FMN1: variants seen among roughly 807,000 people sequenced by gnomAD.
FMN1 encodes formin 1.
A neutral mutation model predicts 132.4 loss-of-function variants in FMN1; 110 were observed. The observed-to-expected ratio is 0.83, with a 90% confidence interval of 0.71 to 0.97. The LOEUF (loss-of-function observed/expected upper bound fraction) is 0.97. Among genes scored for constraint, FMN1 ranks in the 50% least tolerant of loss-of-function variants. The pLI is 0.00. For missense variants in FMN1, 1,792 were observed against 1,705.3 expected (o/e 1.05, Z -0.90); for synonymous variants, 722 against 651.7 (o/e 1.11, Z -1.64).
intron 4 of FMN1, among the ~76,000 whole-genome samples, chr15:33,103,955 T>C (rs774470950): frequency 1.3e-5 from 2 of 152,022 alleles, no homozygotes; most frequent in Non-Finnish European, 2.9e-5. Context: ...ACAGCTCCAA[T>C]TTAAAATGCA....
At chr15:33,046,738 C>G (rs1201601809) in intron 6 of FMN1, among the ~76,000 whole-genome samples, 1 of 142,720 alleles carries the variant, frequency 7.0e-6, no homozygotes, top group Non-Finnish European at 1.6e-5. Context: ...TCTTACAAGT[C>G]AGACTTCTGG....
At chr15:32,785,298 C>A (rs1182866768) in intron 19 of FMN1, among the ~76,000 whole-genome samples, 1 of 144,116 alleles carries the variant, frequency 6.9e-6, no homozygotes, top group Non-Finnish European at 1.5e-5. Context: ...CTCAAGCAAT[C>A]CACCTGCCTC....
chr15:32,986,452 TC>T (rs2033075463), intron 7 of FMN1, among the ~76,000 whole-genome samples: 2 of 152,140 alleles, frequency 1.3e-5, no homozygotes, highest in Non-Finnish European at 2.9e-5. Flanking sequence ...TTATTTGAAT[TC>T]ACAAAGATCT....
chr15:33,000,210 G>A (rs2034013178), intron 7 of FMN1, among the ~76,000 whole-genome samples: 1 of 152,316 alleles, frequency 6.6e-6, no homozygotes, highest in African/African-American at 2.4e-5. Flanking sequence ...AGCACTTTGG[G>A]AGGCAGAGGT....
intron 19 of FMN1, among the ~76,000 whole-genome samples, chr15:32,791,367 C>CTTTTTTT (rs34331378): frequency 6.8e-6 from 1 of 147,866 alleles, no homozygotes; most frequent in African/African-American, 2.5e-5. Flanking sequence ...AGCAATAAAC[C>CTTTTTTT]TTTTTTTTTT....
chr15:33,185,871 C>G (rs17235812), intron 2 of FMN1, among the ~76,000 whole-genome samples: 7,372 of 152,156 alleles, frequency 0.048, 279 homozygotes, highest in Admixed American at 0.11. Context: ...TGTGCCTAGT[C>G]AGGAAGAAGT....
intron 17 of FMN1, among the ~76,000 whole-genome samples, chr15:32,847,620 C>T (rs1428376843): frequency 2.0e-5 from 3 of 151,964 alleles, no homozygotes; most frequent in African/African-American, 7.3e-5. Flanking sequence ...TCTAGGAGGC[C>T]GAGGTGGGCG....
rs77498561 is a variant in FMN1 at position 32,964,275 on chromosome 15, C to T, written c.2988-18G>A. ...CATTTTGGCTTAAAAGAGAAAATGA[C>T]AAGTTAACCATAAGAACCAAAACAG... is the stretch of plus-strand genomic sequence containing the variant. On this transcript the variant is annotated intron_variant, in intron 8 of 20. Transcript: ENST00000616417. 234 of 1,539,192 alleles carry T rather than the reference C, an allele frequency of 1.5e-4. No homozygotes were observed. The highest frequency in any genetic ancestry group is 1.9e-4 in the Non-Finnish European group (221 of 1,137,198).
chr15:33,001,297 A>G lies in FMN1; in HGVS notation c.2223+6717T>C, dbSNP rs980508695. 3.3e-5 allele frequency among the ~76,000 whole-genome samples: 5 copies of G among 152,184 alleles called. No individual in the cohort carries two copies. The South Asian group carries it at 6.2e-4, about 19-fold the overall frequency. ...AGACTCCGTCTCAAAAAGAAAAAAA[A>G]AAGTGTAGCAATTTACATTTACCTT... On this transcript the variant is annotated intron_variant, in intron 7 of 20. Coordinates refer to ENST00000616417, the MANE Select transcript of FMN1 (RefSeq NM_001277313.2).
At chr15:33,088,665 C>A (rs144900607) in intron 5 of FMN1, 134 bp downstream of exon 5, 19,434 of 770,402 alleles carry the variant, frequency 0.025, 411 homozygotes, top group South Asian at 0.087. Context: ...TTTTCTGCAG[C>A]CCACTGATTT....
intron 9 of FMN1, among the ~76,000 whole-genome samples, chr15:32,954,173 C>CA (rs1555503963): frequency 6.6e-6 from 1 of 152,180 alleles, no homozygotes; most frequent in Non-Finnish European, 1.5e-5. Flanking sequence ...TCAATACCCC[C>CA]ACTACATAAA....
intron 4 of FMN1, among the ~76,000 whole-genome samples, chr15:33,129,787 ATTTTTTT>A (rs61564380): frequency 2.5e-5 from 3 of 121,754 alleles, no homozygotes; most frequent in Admixed American, 8.7e-5. Flanking sequence ...TTGACTAGCA[ATTTTTTT>A]TTTTTTTTTT....
At chr15:32,825,231 C>G (rs1038886428) in intron 17 of FMN1, among the ~76,000 whole-genome samples, 2 of 152,214 alleles carry the variant, frequency 1.3e-5, no homozygotes, top group African/African-American at 2.4e-5. Context: ...CCAGAATAAT[C>G]TTTTAAAACA....
At chr15:32,870,579 T>C (rs911956179) in intron 16 of FMN1, among the ~76,000 whole-genome samples, 2 of 152,226 alleles carry the variant, frequency 1.3e-5, no homozygotes, top group African/African-American at 2.4e-5. Flanking sequence ...CGGAATTGTC[T>C]AAAGCACCAT....
chr15:33,030,579 A>C (rs1171987788), intron 6 of FMN1, among the ~76,000 whole-genome samples: 3 of 152,218 alleles, frequency 2.0e-5, no homozygotes, highest in East Asian at 3.9e-4. Context: ...ATAACACTAA[A>C]ATAGAATTTT....
chr15:33,067,740 TCA>T (rs747140074), intron 5 of FMN1: 5 of 1,614,024 alleles, frequency 3.1e-6, no homozygotes, highest in Non-Finnish European at 2.5e-6. Context: ...TCTTCTGGAT[TCA>T]CAGATTCTAA....
chr15:33,012,789 T>C (rs932279575), intron 6 of FMN1: 15 of 697,702 alleles, frequency 2.1e-5, no homozygotes, highest in African/African-American at 1.6e-4. Flanking sequence ...TCAGTGGTCA[T>C]GGTGGCTTTA....
chr15:32,909,957 T>C (rs972517767), intron 11 of FMN1, among the ~76,000 whole-genome samples: 1 of 152,064 alleles, frequency 6.6e-6, no homozygotes, highest in Non-Finnish European at 1.5e-5. Flanking sequence ...TTTAAGTAAC[T>C]AGCCCAAGGT....
At chr15:33,023,180 A>G (rs1453560747) in intron 6 of FMN1, among the ~76,000 whole-genome samples, 1 of 151,754 alleles carries the variant, frequency 6.6e-6, no homozygotes, top group Non-Finnish European at 1.5e-5. Flanking sequence ...ATACGCTATT[A>G]TAAGAGCGAC....
Sources: allele counts gnomAD v4.1 joint callset (sites outside exome capture counted in the v4.1 genomes callset), GRCh38; gene constraint gnomAD v4.1.1; transcripts MANE v1.5; gene names NCBI Gene and HGNC (gene_info 2026-07-23, HGNC 2026-07-21).